SHANK2: variants seen among roughly 807,000 people sequenced by gnomAD.
The protein encoded by SHANK2 is SH3 and multiple ankyrin repeat domains 2.
In SHANK2, 43 loss-of-function variants were observed where a neutral mutation model predicts 133.7. The observed-to-expected ratio is 0.32, with a 90% CI of 0.25 to 0.41. SHANK2 has a LOEUF of 0.41. SHANK2 is among the 10% of genes least tolerant of loss of function. The probability of loss-of-function intolerance (pLI) is 1.00; values close to 1 mark genes in which losing one functional copy is unlikely to be tolerated. For missense variants in SHANK2, 1,994 were observed against 2,235.8 expected, an observed-to-expected ratio of 0.89 and a Z score of 2.18; for synonymous variants, 1,017 against 952.8, an observed-to-expected ratio of 1.07 and a Z score of -1.24.
chr11:70,903,274 G>C (rs1441365073), intron 10 of SHANK2, among the ~76,000 whole-genome samples: 5 of 152,108 alleles, frequency 3.3e-5, no homozygotes, highest in East Asian at 3.9e-4. Flanking sequence ...CTACTCGGGA[G>C]TCCGAGGCAA....
intron 2 of SHANK2, among the ~76,000 whole-genome samples, chr11:71,167,620 G>A (rs1199010653): frequency 6.8e-6 from 1 of 146,388 alleles, no homozygotes; most frequent in Non-Finnish European, 1.5e-5. Context: ...GGGCGGCCGG[G>A]AAGAGGCGCC....
At chr11:71,221,720 T>C (rs2135731280) in intron 2 of SHANK2, among the ~76,000 whole-genome samples, 1 of 152,206 alleles carries the variant, frequency 6.6e-6, no homozygotes, top group South Asian at 2.1e-4. Flanking sequence ...GCTCACTAAA[T>C]TACCCCTCGA....
intron 13 of SHANK2, among the ~76,000 whole-genome samples, chr11:70,802,175 C>T (rs954934222): frequency 4.6e-5 from 7 of 152,162 alleles, no homozygotes; most frequent in African/African-American, 1.2e-4. Context: ...TCATCCTCAA[C>T]ACCATGTCTG....
chr11:71,122,309 T>C (rs1555101625), intron 3 of SHANK2, among the ~76,000 whole-genome samples: 4 of 152,178 alleles, frequency 2.6e-5, no homozygotes, highest in African/African-American at 9.7e-5. Context: ...TGGAATACTA[T>C]GCAGCCATAA....
At chr11:70,893,514 G>C (rs923635600) in intron 11 of SHANK2, among the ~76,000 whole-genome samples, 1 of 152,228 alleles carries the variant, frequency 6.6e-6, no homozygotes, top group Non-Finnish European at 1.5e-5. Flanking sequence ...CAGGTTCCTA[G>C]AGGACTCAGC....
At chr11:70,684,677 G>C (rs1271321590) in intron 15 of SHANK2, among the ~76,000 whole-genome samples, 5 of 152,004 alleles carry the variant, frequency 3.3e-5, no homozygotes, top group Admixed American at 3.3e-4. Flanking sequence ...GTCAAGGTGG[G>C]AGCAGGTAAA....
At chr11:71,160,361 G>C (rs781944980) in intron 2 of SHANK2, among the ~76,000 whole-genome samples, 1 of 152,188 alleles carries the variant, frequency 6.6e-6, no homozygotes, top group Admixed American at 6.5e-5. Flanking sequence ...ATGGTATTTG[G>C]AGGTAGGACC....
At chr11:70,518,122 T>C (rs10793121) in intron 17 of SHANK2, among the ~76,000 whole-genome samples, 70,308 of 152,086 alleles carry the variant, frequency 0.46, 17,866 homozygotes, top group African/African-American at 0.68. Flanking sequence ...GAGCCAGTGC[T>C]GTCCCTTTAG....
chr11:70,545,204 CGCTGTCTGA>C (rs2059675323), intron 17 of SHANK2, among the ~76,000 whole-genome samples: 1 of 152,232 alleles, frequency 6.6e-6, no homozygotes, highest in African/African-American at 2.4e-5. Context: ...CCTGGGCTCG[CGCTGTCTGA>C]GCTCCTAATC....
chr11:70,651,645 C>T (rs927535834), intron 17 of SHANK2, among the ~76,000 whole-genome samples: 3 of 152,310 alleles, frequency 2.0e-5, no homozygotes, highest in East Asian at 3.9e-4. Context: ...CCTGACGACA[C>T]GGTGAGAAGC....
chr11:71,186,719 T>A (rs575255151), intron 2 of SHANK2, among the ~76,000 whole-genome samples: 25 of 152,382 alleles, frequency 1.6e-4, no homozygotes, highest in Non-Finnish European at 3.4e-4. Flanking sequence ...GTGACTTGGT[T>A]AACTTTTCGG....
At chr11:70,939,060 C>T (rs1950609132) in intron 10 of SHANK2, among the ~76,000 whole-genome samples, 1 of 123,188 alleles carries the variant, frequency 8.1e-6, no homozygotes, top group Non-Finnish European at 1.9e-5. Flanking sequence ...GAAAGACCTT[C>T]CAAAGGGAGA....
At chr11:70,688,630 C>T (rs114004947) in intron 15 of SHANK2, among the ~76,000 whole-genome samples, 224 of 152,324 alleles carry the variant, frequency 1.5e-3, no homozygotes, top group African/African-American at 5.2e-3. Context: ...GAGGCAGAAT[C>T]ACAAATGCTC....
chr11:70,845,290 A>G (rs782294848), intron 11 of SHANK2, among the ~76,000 whole-genome samples: 6 of 152,098 alleles, frequency 3.9e-5, no homozygotes, highest in Non-Finnish European at 8.8e-5. Context: ...GGTTTCAACC[A>G]GAGGACAATA....
chr11:70,843,555 A>G (rs1948948035), intron 11 of SHANK2, among the ~76,000 whole-genome samples: 2 of 152,042 alleles, frequency 1.3e-5, no homozygotes, highest in East Asian at 1.9e-4. Context: ...GTCCTTGAAG[A>G]AGAGGAGATG....
At chr11:70,539,992 G>A (rs181551799) in intron 17 of SHANK2, among the ~76,000 whole-genome samples, 2 of 152,082 alleles carry the variant, frequency 1.3e-5, no homozygotes, top group Admixed American at 6.6e-5. Context: ...CTCCATCTTC[G>A]CCTGGCCTTC....
intron 14 of SHANK2, among the ~76,000 whole-genome samples, chr11:70,727,043 C>A (rs998066199): frequency 6.6e-6 from 1 of 152,250 alleles, no homozygotes; most frequent in Non-Finnish European, 1.5e-5. Flanking sequence ...CTTACAGAAT[C>A]ATGAGACAAA....
chr11:70,512,865 T>A (rs2059220916), intron 17 of SHANK2, among the ~76,000 whole-genome samples: 1 of 152,230 alleles, frequency 6.6e-6, no homozygotes, highest in Non-Finnish European at 1.5e-5. Context: ...AGGACATAAT[T>A]TTTTTGAGAC....
Position 71,175,547 on chromosome 11 carries a change from A to AGAGGGAGG in SHANK2, c.-12-28210_-12-28209insCCTCCCTC, listed in dbSNP as rs199963480. Among the ~76,000 whole-genome samples the AGAGGGAGG allele has an allele frequency of 6.0e-5, 1 of 16,576 alleles. No homozygotes were observed. Among genetic ancestry groups the AGAGGGAGG allele is most frequent in the African/African-American group, 1.3e-4 (1 of 7,810 alleles). The allele number at this position is 16,576 out of a possible 152,430, so 10.9% of individuals were successfully genotyped here. ...CAGACAGACAGACAGAGGGAGAGGGAGAGGGAGAGAGAGAGAGAGAGAGAG... is the reference window on the plus strand; with the variant it reads ...CAGACAGACAGACAGAGGGAGAGGGAGAGGGAGGGAGGGAGAGAGAGAGAGAGAGAGAG... On this transcript the variant is annotated intron_variant, in intron 2 of 25. Transcript: ENST00000601538. The surrounding 1 kb of genome is among the most constrained non-coding windows in gnomAD (Gnocchi z 4.2).
Sources: allele counts gnomAD v4.1 joint callset (sites outside exome capture counted in the v4.1 genomes callset), GRCh38; gene constraint gnomAD v4.1.1; non-coding constraint Gnocchi (gnomAD v3.1); transcripts MANE v1.5; gene names NCBI Gene and HGNC (gene_info 2026-07-23, HGNC 2026-07-21).